The following RAPGEF2 variants were observed in gnomAD, a reference collection of about 807,000 sequenced individuals.
RAPGEF2 encodes the protein PDZ domain containing guanine nucleotide exchange factor (GEF) 1.
Under a neutral mutation model 186.7 loss-of-function variants are expected in RAPGEF2, and 54 were observed. That is an observed-to-expected ratio of 0.29 (90% CI 0.23 to 0.36). RAPGEF2 has a LOEUF of 0.36. RAPGEF2 is among the 10% of genes least tolerant of loss of function. The pLI, the probability that RAPGEF2 is intolerant of heterozygous loss-of-function variation, is 1.00. For missense variants in RAPGEF2, 1,532 were observed against 2,045.0 expected (o/e 0.75, Z 4.84); for synonymous variants, 712 against 705.9 (o/e 1.01, Z -0.14).
chr4:159,188,313 G>A (rs1013809651), intron 2 of RAPGEF2, among the ~76,000 whole-genome samples: 2 of 152,032 alleles, frequency 1.3e-5, no homozygotes, highest in African/African-American at 4.8e-5. Flanking sequence ...TAGATAATAG[G>A]AATTCTATGC....
At chr4:159,277,154 A>G (rs1482497643) in intron 7 of RAPGEF2, among the ~76,000 whole-genome samples, 4 of 145,398 alleles carry the variant, frequency 2.8e-5, no homozygotes, top group African/African-American at 1.0e-4. Flanking sequence ...ATTCCCACCT[A>G]TGAGTGAGAA....
chr4:159,242,939 T>G (rs1217587282), intron 6 of RAPGEF2, among the ~76,000 whole-genome samples: 3 of 151,980 alleles, frequency 2.0e-5, no homozygotes, highest in Admixed American at 1.3e-4. Context: ...AAAGTTGGTT[T>G]GTTTGTTCTT....
At chr4:159,313,353 C>T (rs569377117) in intron 8 of RAPGEF2, among the ~76,000 whole-genome samples, 1 of 152,168 alleles carries the variant, frequency 6.6e-6, no homozygotes, top group Admixed American at 6.5e-5. Context: ...GCAGCATGAC[C>T]TTGGAAAAAT....
chr4:159,117,656 T>C (rs781146622), intron 1 of RAPGEF2, among the ~76,000 whole-genome samples: 17 of 152,224 alleles, frequency 1.1e-4, no homozygotes, highest in Non-Finnish European at 2.2e-4. Flanking sequence ...GTTTTGAGTT[T>C]AGTGTATTTC....
chr4:159,127,742 A>G (rs1347849118), intron 1 of RAPGEF2, among the ~76,000 whole-genome samples: 1 of 152,246 alleles, frequency 6.6e-6, no homozygotes, highest in Non-Finnish European at 1.5e-5. Context: ...TAGTAATAGA[A>G]TAAGAATACT....
At chr4:159,292,288 C>CG in intron 7 of RAPGEF2, among the ~76,000 whole-genome samples, 1 of 152,212 alleles carries the variant, frequency 6.6e-6, no homozygotes, top group South Asian at 2.1e-4. Context: ...AACATGCGAA[C>CG]GCCACCCTAC....
intron 1 of RAPGEF2, among the ~76,000 whole-genome samples, chr4:159,151,751 A>AGTGTGTGTTT (rs1743560473): frequency 6.6e-6 from 1 of 151,956 alleles, no homozygotes; most frequent in South Asian, 2.1e-4. Context: ...TTTTTGTGTA[A>AGTGTGTGTTT]GTGTGTGTTT....
At chr4:159,198,273 TC>T (rs1748930279) in intron 3 of RAPGEF2, among the ~76,000 whole-genome samples, 1 of 2,786 alleles carries the variant, frequency 3.6e-4, no homozygotes, top group Non-Finnish European at 7.0e-4. Context: ...TTTCTTTCCT[TC>T]TTTCTTTCTT....
At chr4:159,223,212 G>A (rs376859064) in intron 4 of RAPGEF2, among the ~76,000 whole-genome samples, 2 of 106,694 alleles carry the variant, frequency 1.9e-5, no homozygotes, top group East Asian at 2.1e-4. Context: ...TGTTTCTTAC[G>A]GCGTTATAGG....
At chr4:159,337,911 A>AAAAAAAAAAAAAAAAAAAAAAAAAC in intron 17 of RAPGEF2, among the ~76,000 whole-genome samples, 1 of 134,928 alleles carries the variant, frequency 7.4e-6, no homozygotes, top group African/African-American at 3.4e-5. Context: ...AAAAAAAAAA[A>AAAAAAAAAAAAAAAAAAAAAAAAAC]AAGAAAGAAA....
At chr4:159,156,871 A>G (rs1042430890) in intron 1 of RAPGEF2, among the ~76,000 whole-genome samples, 1 of 152,246 alleles carries the variant, frequency 6.6e-6, no homozygotes, top group Non-Finnish European at 1.5e-5. Context: ...ACAATAAACA[A>G]TACAAACAAG....
chr4:159,205,744 A>AT (rs1483413645), intron 3 of RAPGEF2, among the ~76,000 whole-genome samples: 1 of 151,954 alleles, frequency 6.6e-6, no homozygotes, highest in African/African-American at 2.4e-5. Context: ...TTCCCCCATG[A>AT]TTGTAAGTTT....
At chr4:159,167,854 GAA>G (rs1275160233) in intron 1 of RAPGEF2, among the ~76,000 whole-genome samples, 3 of 152,216 alleles carry the variant, frequency 2.0e-5, no homozygotes, top group African/African-American at 7.2e-5. Context: ...GGATAGTTGA[GAA>G]AATGGACCAA....
intron 1 of RAPGEF2, among the ~76,000 whole-genome samples, chr4:159,130,515 A>G (rs949195865): frequency 2.0e-4 from 31 of 151,266 alleles, no homozygotes; most frequent in African/African-American, 7.3e-4. Flanking sequence ...AGGCATGCAC[A>G]TTTTTCTTTA....
chr4:159,285,566 A>G (rs948745465), intron 7 of RAPGEF2, among the ~76,000 whole-genome samples: 6 of 152,246 alleles, frequency 3.9e-5, no homozygotes, highest in African/African-American at 1.4e-4. Flanking sequence ...CAAGTTCCTT[A>G]AGAGATTTAT....
chr4:159,105,209 A>G (rs1161925122), intron 1 of RAPGEF2, among the ~76,000 whole-genome samples: 2 of 152,184 alleles, frequency 1.3e-5, no homozygotes, highest in African/African-American at 4.8e-5. Context: ...TGGGATGGTG[A>G]CTATAGGAGA....
chr4:159,204,956 A>C (rs1180679062), intron 3 of RAPGEF2, among the ~76,000 whole-genome samples: 1 of 152,212 alleles, frequency 6.6e-6, no homozygotes, highest in African/African-American at 2.4e-5. Context: ...TTCTTTCAGG[A>C]TTAAGCTTTG....
intron 7 of RAPGEF2, among the ~76,000 whole-genome samples, chr4:159,277,499 A>G (rs1200059820): frequency 6.6e-6 from 1 of 152,218 alleles, no homozygotes; most frequent in African/African-American, 2.4e-5. Flanking sequence ...AGGAATCGCC[A>G]CACTGACTTC....
chr4:159,336,368 A>G (rs1482839123), intron 17 of RAPGEF2, among the ~76,000 whole-genome samples: 1 of 152,158 alleles, frequency 6.6e-6, no homozygotes, highest in Non-Finnish European at 1.5e-5. Flanking sequence ...TGTATCACTC[A>G]GTATGCCTTT....
Sources: allele counts gnomAD v4.1 joint callset (sites outside exome capture counted in the v4.1 genomes callset), GRCh38; gene constraint gnomAD v4.1.1; transcripts MANE v1.5; gene names NCBI Gene and HGNC (gene_info 2026-07-23, HGNC 2026-07-21).